Variants in ATP2B1 observed in about 807,000 individuals in gnomAD.
ATP2B1 encodes plasma membrane calcium-transporting ATPase 1.
In ATP2B1, 14 loss-of-function variants were observed where a neutral mutation model predicts 124.2. That is an observed-to-expected ratio of 0.11 (90% CI 0.07 to 0.18). The LOEUF is 0.18. Among genes scored for constraint, ATP2B1 ranks in the 10% least tolerant of loss-of-function variants. The pLI is 1.00. For synonymous variants in ATP2B1, 449 were observed against 492.4 expected (o/e 0.91, Z 1.17); for missense variants, 763 against 1,466.1 (o/e 0.52, Z 7.83).
At chr12:89,624,800 G>A (rs1046560101) in intron 8 of ATP2B1, among the ~76,000 whole-genome samples, 6 of 152,002 alleles carry the variant, frequency 3.9e-5, no homozygotes, top group African/African-American at 9.7e-5. Context: ...GGGAGACCTC[G>A]AATTAAATAC....
At chr12:89,617,475 CA>C (rs953021383) in intron 11 of ATP2B1, among the ~76,000 whole-genome samples, 14 of 152,176 alleles carry the variant, frequency 9.2e-5, no homozygotes, top group African/African-American at 3.4e-4. Context: ...GATGTTGTTT[CA>C]TCACCTATAT....
chr12:89,658,645 G>GAGAGAGAGAGAGAGAT (rs1555204352), intron 1 of ATP2B1, among the ~76,000 whole-genome samples: 1 of 137,986 alleles, frequency 7.2e-6, no homozygotes, highest in Non-Finnish European at 1.6e-5. Flanking sequence ...GAGAGAGAGA[G>GAGAGAGAGAGAGAGAT]AGATAGAGAT....
At chr12:89,608,675 T>C (rs1877427031) in intron 15 of ATP2B1, among the ~76,000 whole-genome samples, 1 of 152,162 alleles carries the variant, frequency 6.6e-6, no homozygotes, top group African/African-American at 2.4e-5. Flanking sequence ...AAGAAAGCTT[T>C]TTTTATTTTA....
chr12:89,649,026 C>G (rs1884888911), intron 2 of ATP2B1, among the ~76,000 whole-genome samples: 1 of 152,228 alleles, frequency 6.6e-6, no homozygotes, highest in African/African-American at 2.4e-5. Flanking sequence ...CCCTAGATTT[C>G]AAAGGAAATA....
intron 1 of ATP2B1, among the ~76,000 whole-genome samples, chr12:89,658,598 G>GA (rs1886258752): frequency 2.9e-5 from 2 of 69,578 alleles, no homozygotes; most frequent in African/African-American, 1.2e-4. Flanking sequence ...AATTCAAACA[G>GA]GAGAGAGAGA....
At chr12:89,630,361 C>T in intron 6 of ATP2B1, 144 bp downstream of exon 6, 1 of 639,366 alleles carries the variant, frequency 1.6e-6, no homozygotes, top group Non-Finnish European at 2.4e-6. Flanking sequence ...CTCTAAAGGC[C>T]CATGCTATTA....
Position 89,591,117 on chromosome 12 carries a change from G to A in ATP2B1, c.3530C>T (p.Ser1177Phe), listed in dbSNP as rs763071645. 1 of 1,613,120 alleles carries A rather than the reference G, an allele frequency of 6.2e-7. No homozygotes were observed. Among genetic ancestry groups the A allele is most frequent in the African/African-American group, 1.3e-5 (1 of 74,830 alleles). ...TTTGTTGGGAGAGGGTGGAGGACTG[G>A]AGTTACGTTTTGTAGGAGCATCATC... ...AEDDAPTKRN[S>F]SPPPSPNKNN... The change falls in exon 21 of 21, where the codon TCC becomes TTC. Residue 1177 changes from serine to phenylalanine, a missense_variant. By Grantham distance (155) the Ser-to-Phe change is radical. This residue lies in a region of ATP2B1 where 97 missense variants were observed against 94.7 expected (regional missense o/e 1.02). Coordinates refer to ENST00000428670, the MANE Select transcript of ATP2B1 (RefSeq NM_001366521.1).
At chr12:89,657,892 G>T (rs1300492440) in intron 1 of ATP2B1, among the ~76,000 whole-genome samples, 1 of 152,144 alleles carries the variant, frequency 6.6e-6, no homozygotes, top group Non-Finnish European at 1.5e-5. Flanking sequence ...GCAAAGATGT[G>T]ACAGTTACAG....
At chr12:89,636,316 G>A (rs1311981027) in intron 3 of ATP2B1, among the ~76,000 whole-genome samples, 1 of 152,162 alleles carries the variant, frequency 6.6e-6, no homozygotes, top group East Asian at 1.9e-4. Context: ...CTGTAATCTA[G>A]TTGTGAGTCC....
chr12:89,609,084 A>C (rs1439488168), intron 15 of ATP2B1, among the ~76,000 whole-genome samples: 5 of 152,200 alleles, frequency 3.3e-5, no homozygotes, highest in African/African-American at 1.2e-4. Flanking sequence ...AATTATGCAA[A>C]TAAACATTTG....
Position 89,635,070 on chromosome 12 carries a change from G to A in ATP2B1, c.588C>T (p.Val196=). 2 of 1,613,934 alleles carry A rather than the reference G, an allele frequency of 1.2e-6. No homozygotes were observed. Among genetic ancestry groups the A allele is most frequent in the Non-Finnish European group, 1.7e-6 (2 of 1,179,902 alleles). ...TCTGAATGACCTGACCACCCCTGAT[G>A]ACAGTGAACTTCTGTTCTTGTTCAA... ...SRIEQEQKFT[V]IRGGQVIQIP... Residue 196 remains valine (V), a synonymous_variant, in exon 4 of 21, where the codon GTC becomes GTT. Coordinates refer to ENST00000428670, the MANE Select transcript of ATP2B1 (RefSeq NM_001366521.1).
intron 12 of ATP2B1, among the ~76,000 whole-genome samples, chr12:89,615,119 A>G (rs1057043589): frequency 2.1e-4 from 32 of 152,038 alleles, no homozygotes; most frequent in Non-Finnish European, 4.3e-4. Context: ...CACCTTTAAA[A>G]TAGCTACTTT....
intron 2 of ATP2B1, among the ~76,000 whole-genome samples, chr12:89,643,198 A>ATATGTGTG (rs1404538116): frequency 1.3e-5 from 2 of 150,696 alleles, no homozygotes; most frequent in Non-Finnish European, 3.0e-5. Context: ...ATATATGTAT[A>ATATGTGTG]TATGTGTGTA....
chr12:89,657,871 AGGTTAAACT>A (rs1886144263), intron 1 of ATP2B1, among the ~76,000 whole-genome samples: 2 of 152,184 alleles, frequency 1.3e-5, no homozygotes, highest in Non-Finnish European at 2.9e-5. Flanking sequence ...TGCTTGCCTT[AGGTTAAACT>A]TGCAAAGATG....
intron 9 of ATP2B1, among the ~76,000 whole-genome samples, chr12:89,622,303 T>TG (rs1880124101): frequency 6.6e-6 from 1 of 151,724 alleles, no homozygotes; most frequent in South Asian, 2.1e-4. Context: ...TGCTTGATTT[T>TG]TTTTTATTAT....
chr12:89,655,883 C>T lies in ATP2B1; in HGVS notation c.4G>A (p.Gly2Ser), dbSNP rs913642977. ...GCAACTGAGTTGTTTGCCATGTCGCCCATTACAAGTATAATATATCAGAAG... is the reference window on the plus strand; with the variant it reads ...GCAACTGAGTTGTTTGCCATGTCGCTCATTACAAGTATAATATATCAGAAG... M[G>S]DMANNSVAYS... Residue 2 changes from glycine to serine, a missense_variant, in exon 2 of 21, where the codon GGC (glycine) becomes AGC (serine). By Grantham distance (56) the Gly-to-Ser change is moderately conservative. Transcript: ENST00000428670. 19 of 1,587,080 alleles carry T rather than the reference C, an allele frequency of 1.2e-5. No individual in the cohort carries two copies. The highest frequency in any genetic ancestry group is 1.5e-5 in the Non-Finnish European group (18 of 1,164,384).
At chr12:89,609,466 G>A (rs1877581095) in intron 15 of ATP2B1, among the ~76,000 whole-genome samples, 1 of 152,012 alleles carries the variant, frequency 6.6e-6, no homozygotes, top group South Asian at 2.1e-4. Flanking sequence ...GGACTTTGGG[G>A]AAAACAAGTA....
At chr12:89,704,683 G>C (rs1207117713) in intron 1 of ATP2B1, among the ~76,000 whole-genome samples, 1 of 152,122 alleles carries the variant, frequency 6.6e-6, no homozygotes, top group Admixed American at 6.5e-5. Flanking sequence ...ATTATTGTGA[G>C]AATCAAATGA....
At chr12:89,631,623 A>G (rs191875939) in intron 5 of ATP2B1, among the ~76,000 whole-genome samples, 1 of 152,320 alleles carries the variant, frequency 6.6e-6, no homozygotes, top group Non-Finnish European at 1.5e-5. Context: ...GATTGAGTCC[A>G]AAGTCCTCAC....
Sources: allele counts gnomAD v4.1 joint callset (sites outside exome capture counted in the v4.1 genomes callset), GRCh38; gene constraint gnomAD v4.1.1; regional missense constraint gnomAD v4.1.1; transcripts MANE v1.5; gene names NCBI Gene and HGNC (gene_info 2026-07-23, HGNC 2026-07-21).